CHST4: variants seen among roughly 807,000 people sequenced by gnomAD.
CHST4 encodes the protein carbohydrate sulfotransferase 4.
For missense variants in CHST4, 466 were observed against 506.0 expected (o/e 0.92, Z 0.76); for synonymous variants, 171 against 195.5 (o/e 0.87, Z 1.05).
In CHST4 at chr16:71,531,169, C is replaced by T. The variant is rs559375035; in HGVS notation, c.-19+4674C>T. Among the ~76,000 whole-genome samples the T allele has an allele frequency of 9.9e-5, 15 of 152,242 alleles. No homozygotes were observed. In the East Asian group the frequency reaches 2.1e-3, roughly 22 times the overall value. ...AGAAAGGTCGATGTCAAAGGCCACC[C>T]TAGACACAAACAGCTGGGAATTCTG... is the stretch of plus-strand genomic sequence containing the variant. On this transcript the variant is annotated intron_variant, in intron 1 of 1. Transcript: ENST00000539698.
At chr16:71,527,390 G>T (rs1378934715) in intron 1 of CHST4, among the ~76,000 whole-genome samples, 1 of 152,202 alleles carries the variant, frequency 6.6e-6, no homozygotes, top group Non-Finnish European at 1.5e-5. Flanking sequence ...GTCTAAGGTG[G>T]TCGGGGTGCA....
chr16:71,535,106 C>G (rs2043977666), intron 1 of CHST4, among the ~76,000 whole-genome samples: 1 of 152,192 alleles, frequency 6.6e-6, no homozygotes, highest in Non-Finnish European at 1.5e-5. Flanking sequence ...GACCCTTTCT[C>G]TAGATATTTA....
In CHST4 at chr16:71,537,287, G is replaced by C. The variant is rs773080913; in HGVS notation, c.610G>C (p.Val204Leu). Residue 204 changes from valine to leucine, a missense_variant, in exon 2 of 2, where the codon GTC (valine) becomes CTC (leucine). Transcript: ENST00000539698. The surrounding 1 kb of genome is among the most constrained non-coding windows in gnomAD (Gnocchi z 4.2). Reference sequence around the variant, plus strand: ...CCTCAACCTGCATATCGTGCACCTGGTCCGGGACCCCCGGGCCGTGTTCCG... The same window carrying C: ...CCTCAACCTGCATATCGTGCACCTGCTCCGGGACCCCCGGGCCGTGTTCCG... ...PSLNLHIVHL[V>L]RDPRAVFRSR... is the part of the protein sequence containing the mutation. The C allele has an allele frequency of 6.2e-6, 10 of 1,614,120 alleles. No individual in the cohort carries two copies. Among genetic ancestry groups the C allele is most frequent in the Non-Finnish European group, 8.5e-6 (10 of 1,180,016 alleles).
chr16:71,532,503 A>T (rs1417291530), intron 1 of CHST4, among the ~76,000 whole-genome samples: 1 of 152,172 alleles, frequency 6.6e-6, no homozygotes, highest in Non-Finnish European at 1.5e-5. Flanking sequence ...CACTGTTATT[A>T]TGAATGGAAG....
At chr16:71,527,805 G>A (rs2043919543) in intron 1 of CHST4, among the ~76,000 whole-genome samples, 1 of 152,078 alleles carries the variant, frequency 6.6e-6, no homozygotes, top group Non-Finnish European at 1.5e-5. Flanking sequence ...GTGCAGTGGT[G>A]CGATCTCGGC....
intron 1 of CHST4, among the ~76,000 whole-genome samples, chr16:71,534,666 C>T (rs887064077): frequency 6.6e-6 from 1 of 152,042 alleles, no homozygotes; most frequent in Non-Finnish European, 1.5e-5. Flanking sequence ...CCATGAGCAA[C>T]ATTTCAAGAC....
Position 71,537,043 on chromosome 16 carries a change from C to A in CHST4, c.366C>A (p.Ser122Arg). The change falls in exon 2 of 2, where the codon AGC becomes AGA. Residue 122 changes from serine to arginine, a missense_variant. Physicochemically the swap from Ser to Arg is moderately radical, Grantham distance 110. Transcript: ENST00000539698. This position sits in a 1 kb window ranked among gnomAD's most constrained non-coding sequence, Gnocchi z 4.2. The stretch of plus-strand genomic sequence containing the variant: ...AACCTGGTCCCCGGAGACAGTCCAG[C>A]CTCTTTCAGTGGGAGAACAGCCGGG... ...YMEPGPRRQSSLFQWENSRAL... is the reference protein window; with the variant it reads ...YMEPGPRRQSRLFQWENSRAL... The A allele has an allele frequency of 1.2e-6, 2 of 1,614,170 alleles. No individual in the cohort carries two copies. The highest frequency in any genetic ancestry group is 1.1e-5 in the South Asian group (1 of 91,074).
At chr16:71,527,856 G>C (rs955373740) in intron 1 of CHST4, among the ~76,000 whole-genome samples, 12 of 152,196 alleles carry the variant, frequency 7.9e-5, no homozygotes, top group Admixed American at 7.2e-4. Context: ...GCAGGCTTCA[G>C]AGAGAATAGG....
In CHST4 at chr16:71,532,109, G is replaced by A. The variant is rs933519138; in HGVS notation, c.-18-4551G>A. ...GTCGCCCAGGCTGGAGTGCAGTGGCGCGATCTCGGCTCACTGCAAGCTCTG... is the reference window on the plus strand; with the variant it reads ...GTCGCCCAGGCTGGAGTGCAGTGGCACGATCTCGGCTCACTGCAAGCTCTG... On this transcript the variant is annotated intron_variant, in intron 1 of 1. Coordinates refer to ENST00000539698, the MANE Select transcript of CHST4 (RefSeq NM_001166395.2). Among the ~76,000 whole-genome samples, 141 of 147,746 alleles carry A rather than the reference G, an allele frequency of 9.5e-4. 3 individuals are homozygous for A. Among genetic ancestry groups the A allele is most frequent in the Non-Finnish European group, 2.8e-4 (19 of 67,308 alleles).
At chr16:71,536,297 C>T (rs535602446) in intron 1 of CHST4, among the ~76,000 whole-genome samples, 14 of 152,260 alleles carry the variant, frequency 9.2e-5, no homozygotes, top group African/African-American at 3.4e-4. Context: ...TGACGCCTCC[C>T]CTGGGTGGCC....
chr16:71,526,727 A>G (rs1373504048), intron 1 of CHST4, among the ~76,000 whole-genome samples: 2 of 152,214 alleles, frequency 1.3e-5, no homozygotes, highest in Admixed American at 6.5e-5. Flanking sequence ...TGGGTCCAAA[A>G]GAGCCCAGAG....
At chr16:71,532,844 G>C (rs1347623443) in intron 1 of CHST4, among the ~76,000 whole-genome samples, 3 of 152,124 alleles carry the variant, frequency 2.0e-5, no homozygotes, top group Non-Finnish European at 4.4e-5. Context: ...CAAAAGATTG[G>C]AAACAACTCA....
rs916076146 is a variant in CHST4, at chr16:71,537,102, C to T, written c.425C>T (p.Pro142Leu). 1 of 1,614,164 alleles carries T rather than the reference C, an allele frequency of 6.2e-7. No individual in the cohort carries two copies. Among genetic ancestry groups the T allele is most frequent in the Non-Finnish European group, 8.5e-7 (1 of 1,180,028 alleles). ...LCSAPACDIIPQDEIIPRAHC... is the reference protein window; with the variant it reads ...LCSAPACDIILQDEIIPRAHC... ...TCTGCACCTGCCTGTGACATCATCCCACAAGATGAAATCATCCCCCGGGCT... is the reference window on the plus strand; with the variant it reads ...TCTGCACCTGCCTGTGACATCATCCTACAAGATGAAATCATCCCCCGGGCT... The change falls in exon 2 of 2, where the codon CCA becomes CTA. Residue 142 changes from proline (P) to leucine (L), a missense_variant. Coordinates refer to ENST00000539698, the MANE Select transcript of CHST4 (RefSeq NM_001166395.2). This position sits in a 1 kb window ranked among gnomAD's most constrained non-coding sequence, Gnocchi z 4.2.
rs181628654 is a variant in CHST4 at position 71,538,038 on chromosome 16, T to C, written c.*200T>C. 4.7e-3 allele frequency: 2,850 copies of C among 607,186 alleles called. 15 individuals are homozygous for C. Among genetic ancestry groups the C allele is most frequent in the Non-Finnish European group, 6.0e-3 (2,012 of 335,950 alleles). 37.6% of individuals were successfully genotyped at this position (607,186 alleles called of 1,614,324 possible). On this transcript the variant is annotated 3_prime_UTR_variant, in exon 2 of 2. Transcript: ENST00000539698. ...CTAGAAAACAGACTGGGGAACCTTA[T>C]GTGAGCAGCACATCCCACCAGTGAA...
Position 71,537,756 on chromosome 16 carries a change from G to A in CHST4, c.1079G>A (p.Arg360His), listed in dbSNP as rs548937648. The change falls in exon 2 of 2, where the codon CGC becomes CAC. Residue 360 changes from arginine to histidine, a missense_variant. Arg to His is a conservative substitution (Grantham distance 29). Transcript: ENST00000539698. This position sits in a 1 kb window ranked among gnomAD's most constrained non-coding sequence, Gnocchi z 4.2. Reference protein sequence around the residue: ...CGDAMNLLGYRHVRSEQEQRN... With the variant: ...CGDAMNLLGYHHVRSEQEQRN... ...GATGCCATGAATTTGCTGGGCTACC[G>A]CCACGTCAGATCTGAACAAGAACAG... 1.7e-5 allele frequency: 28 copies of A among 1,614,214 alleles called. No individual in the cohort carries two copies. Among genetic ancestry groups the A allele is most frequent in the Middle Eastern group, 1.7e-4 (1 of 6,058 alleles).
chr16:71,534,102 C>A (rs1223879042), intron 1 of CHST4, among the ~76,000 whole-genome samples: 1 of 151,712 alleles, frequency 6.6e-6, no homozygotes, highest in East Asian at 1.9e-4. Context: ...TGGGGTGTGT[C>A]AGGCTGGCTG....
At chr16:71,532,964 T>G (rs893579151) in intron 1 of CHST4, among the ~76,000 whole-genome samples, 8 of 152,178 alleles carry the variant, frequency 5.3e-5, no homozygotes, top group African/African-American at 1.9e-4. Context: ...TGCCCTGGAA[T>G]GCTCCCTAAG....
At chr16:71,528,486 G>A (rs1446153970) in intron 1 of CHST4, among the ~76,000 whole-genome samples, 3 of 152,156 alleles carry the variant, frequency 2.0e-5, no homozygotes, top group Admixed American at 2.0e-4. Context: ...ACACAGCCCT[G>A]GCGGGACCCA....
chr16:71,530,529 G>A (rs2043940405), intron 1 of CHST4, among the ~76,000 whole-genome samples: 2 of 152,068 alleles, frequency 1.3e-5, no homozygotes, highest in Non-Finnish European at 2.9e-5. Context: ...ACTTTGGGAG[G>A]CCAAGGCTGG....
Sources: gnomAD v4.1 joint callset for allele counts (sites outside exome capture counted in the v4.1 genomes callset) on GRCh38, gnomAD v4.1.1 for gene constraint, Gnocchi (gnomAD v3.1) non-coding constraint, MANE v1.5 for transcripts, NCBI Gene and HGNC (gene_info 2026-07-23, HGNC 2026-07-21) for gene names.